The following APOL3 variants were observed in gnomAD, a reference collection of about 807,000 sequenced individuals.
APOL3 encodes TNF-inducible protein CG12-1.
A neutral mutation model predicts 11.6 loss-of-function variants in APOL3; 14 were observed. That is an observed-to-expected ratio of 1.21 (90% confidence interval 0.80 to 1.89). The LOEUF is 1.89. APOL3 is among the 40% of genes most tolerant of loss of function. The pLI, the probability that APOL3 is intolerant of heterozygous loss-of-function variation, is 0.00. For synonymous variants in APOL3, 192 were observed against 190.6 expected, an observed-to-expected ratio of 1.01 and a Z score of -0.06; for missense variants, 483 against 492.1, an observed-to-expected ratio of 0.98 and a Z score of 0.17.
At chr22:36,149,118 G>T in intron 1 of APOL3, 1 of 1,368,016 alleles carries the variant, frequency 7.3e-7, no homozygotes, top group Non-Finnish European at 9.8e-7. Flanking sequence ...GACCTGACTG[G>T]AAGGGTTCGT....
At chr22:36,161,403 G>T (rs930183935), upstream of APOL3, 1 of 175,998 alleles carries the variant, frequency 5.7e-6, no homozygotes, top group Non-Finnish European at 1.2e-5. Flanking sequence ...TTACCAGGTT[G>T]GTTTCAAACT....
chr22:36,158,719 T>C (rs1034843799), intron 1 of APOL3, among the ~76,000 whole-genome samples: 3 of 151,436 alleles, frequency 2.0e-5, no homozygotes, highest in Non-Finnish European at 2.9e-5. Flanking sequence ...CTCAGGAGGG[T>C]GAGCTGGAGA....
At chr22:36,152,376 C>T (rs2011897440) in intron 1 of APOL3, among the ~76,000 whole-genome samples, 1 of 152,164 alleles carries the variant, frequency 6.6e-6, no homozygotes, top group Admixed American at 6.5e-5. Flanking sequence ...AAAATGTAAA[C>T]ACTTGGTTAA....
chr22:36,159,998 C>T (rs1054777259), intron 1 of APOL3, among the ~76,000 whole-genome samples: 20 of 152,086 alleles, frequency 1.3e-4, no homozygotes, highest in Admixed American at 1.1e-3. Context: ...TCTCATGCCT[C>T]AGCCTCCCAA....
exon 3 of APOL3, chr22:36,141,976 C>G (rs2060014732): frequency 6.2e-7 from 1 of 1,614,104 alleles, no homozygotes; most frequent in Admixed American, 1.7e-5. Context: ...AACTGCTCAT[C>G]TTTCTGCTGC....
chr22:36,147,143 C>T lies in APOL3; in HGVS notation c.224-1544G>A, dbSNP rs570397732. On this transcript the variant is annotated intron_variant, in intron 1 of 2. Transcript: ENST00000349314. ...ATGCCTGTGGTTCCTGCATTCTCCA[C>T]TGTAGTATACCTGTGGGATTTTAAA... Among the ~76,000 whole-genome samples, 8 of 152,324 alleles carry T rather than the reference C, an allele frequency of 5.3e-5. No homozygotes were observed. The South Asian group carries it at 1.7e-3, about 32-fold the overall frequency.
chr22:36,149,464 G>T, intron 1 of APOL3: 1 of 1,158,750 alleles, frequency 8.6e-7, no homozygotes. Context: ...ATAGAGATGG[G>T]AAGGAACGTT....
At chr22:36,149,416 T>G in intron 1 of APOL3, 2 of 1,296,884 alleles carry the variant, frequency 1.5e-6, no homozygotes, top group Non-Finnish European at 2.0e-6. Flanking sequence ...GGGATGGACA[T>G]CTGATAATCA....
upstream of APOL3, among the ~76,000 whole-genome samples, chr22:36,161,158 T>C (rs996214359): frequency 6.6e-6 from 1 of 152,300 alleles, no homozygotes; most frequent in Admixed American, 6.5e-5. Context: ...TGGACGCTTA[T>C]TGCATATTGA....
chr22:36,163,974 A>G (rs539124159), upstream of APOL3, among the ~76,000 whole-genome samples: 1 of 152,302 alleles, frequency 6.6e-6, no homozygotes, highest in Non-Finnish European at 1.5e-5. Context: ...TGTTATAGTT[A>G]TTCTCATATA....
intron 1 of APOL3, chr22:36,145,997 T>TCACA (rs2060194543): frequency 3.0e-5 from 4 of 134,964 alleles, no homozygotes; most frequent in South Asian, 2.3e-4. Flanking sequence ...TCTCTCTCTC[T>TCACA]CTCTCACACA....
chr22:36,141,477 G>A (rs1312670470), exon 3 of APOL3: 3 of 1,614,204 alleles, frequency 1.9e-6, no homozygotes, highest in East Asian at 2.2e-5. Context: ...GATTCGCCAG[G>A]TGGTCACAGG....
intron 2 of APOL3, 34 bp downstream of exon 3, chr22:36,145,439 G>T (rs760243286): frequency 2.3e-5 from 37 of 1,610,434 alleles, no homozygotes; most frequent in Non-Finnish European, 3.1e-5. Flanking sequence ...GGCATAGCCG[G>T]GGCGCCCCAT....
chr22:36,153,693 G>T (rs560192493), intron 1 of APOL3, among the ~76,000 whole-genome samples: 1 of 152,198 alleles, frequency 6.6e-6, no homozygotes, highest in African/African-American at 2.4e-5. Flanking sequence ...AGTCCCAACC[G>T]CTGTGAACCC....
chr22:36,143,831 C>T (rs555994608), intron 2 of APOL3, among the ~76,000 whole-genome samples: 1 of 152,330 alleles, frequency 6.6e-6, no homozygotes, highest in East Asian at 1.9e-4. Context: ...TTTCATGGAA[C>T]CTCTTATGGA....
chr22:36,147,312 C>T (rs1169859974), intron 1 of APOL3, among the ~76,000 whole-genome samples: 3 of 152,210 alleles, frequency 2.0e-5, no homozygotes, highest in Admixed American at 6.5e-5. Context: ...ACCCTCAGCA[C>T]TGATCCCTGT....
chr22:36,144,229 G>A (rs936323741), intron 2 of APOL3, among the ~76,000 whole-genome samples: 1 of 152,018 alleles, frequency 6.6e-6, no homozygotes, highest in Non-Finnish European at 1.5e-5. Flanking sequence ...TGCCCTCAGT[G>A]CCTCCCTCTT....
chr22:36,160,086 T>C (rs2013539671), intron 1 of APOL3, among the ~76,000 whole-genome samples: 1 of 152,104 alleles, frequency 6.6e-6, no homozygotes, highest in Non-Finnish European at 1.5e-5. Context: ...TTTCTCCATA[T>C]TGGCCAGGCA....
At position 36,145,747 on chromosome 22, in the gene APOL3, G is replaced by A. The variant is rs2060175834; in HGVS notation, c.224-148C>T. 3.2e-6 allele frequency: 3 copies of A among 929,760 alleles called. No homozygotes were observed. The South Asian group carries it at 5.4e-5, about 17-fold the overall frequency. The allele number at this position is 929,760 out of a possible 1,614,324, so 57.6% of individuals were successfully genotyped here. ...AGGCATCAGTGCTATAGACTGAGTT[G>A]TGTGCCCTCCAAATTCATATACTGA... On this transcript the variant is annotated intron_variant, in intron 1 of 2. Transcript: ENST00000349314.
Sources: allele counts gnomAD v4.1 joint callset (sites outside exome capture counted in the v4.1 genomes callset), GRCh38; gene constraint gnomAD v4.1.1; transcripts MANE v1.5; gene names NCBI Gene and HGNC (gene_info 2026-07-23, HGNC 2026-07-21).